NCAM1: variants seen among roughly 807,000 people sequenced by gnomAD.
The protein encoded by NCAM1 is neural cell adhesion molecule 1, also known as antigen recognized by monoclonal antibody 5.1H11.
Under a neutral mutation model 109.8 loss-of-function variants are expected in NCAM1, and 14 were observed. The ratio of observed to expected loss-of-function variants is 0.13; its 90% CI spans 0.08 to 0.20. The LOEUF (loss-of-function observed/expected upper bound fraction) is 0.20, where lower values mean the gene tolerates loss of function less well. NCAM1 is among the 10% of genes least tolerant of loss of function. NCAM1 has a pLI of 1.00. For synonymous variants in NCAM1, 418 were observed against 442.9 expected, an observed-to-expected ratio of 0.94 and a Z score of 0.70; for missense variants, 774 against 1,109.9, an observed-to-expected ratio of 0.70 and a Z score of 4.30.
chr11:112,975,285 T>C (rs1393105501), intron 1 of NCAM1, among the ~76,000 whole-genome samples: 2 of 152,088 alleles, frequency 1.3e-5, no homozygotes, highest in African/African-American at 4.8e-5. Flanking sequence ...CAAGTGGCCA[T>C]GTCTCAGACT....
chr11:113,173,354 C>G (rs1208044682), intron 1 of NCAM1, among the ~76,000 whole-genome samples: 2 of 151,796 alleles, frequency 1.3e-5, no homozygotes, highest in South Asian at 4.2e-4. Context: ...AACCTGGGGT[C>G]TAATTTGAAT....
rs1392706957 is a variant in NCAM1 at position 113,275,340 on chromosome 11, G to C, written c.2530G>C (p.Val844Leu). The change falls in exon 20 of 20, where the codon GTC becomes CTC. Residue 844 changes from valine (V) to leucine (L), a missense_variant. By Grantham distance (32) the Val-to-Leu change is conservative (BLOSUM62 1). This residue lies in a region of NCAM1 where 122 missense variants were observed against 129.7 expected (regional missense o/e 0.94). Coordinates refer to ENST00000316851, the MANE Select transcript of NCAM1 (RefSeq NM_181351.5). ...GCCAGCGCCAGCCGAAGTCAAGACG[G>C]TCCCCAATGACGCCACACAGACAAA... ...TKPAPAEVKTVPNDATQTKEN... is the reference protein window; with the variant it reads ...TKPAPAEVKTLPNDATQTKEN... The C allele has an allele frequency of 1.2e-6, 2 of 1,613,366 alleles. No homozygotes were observed. Among genetic ancestry groups the C allele is most frequent in the Non-Finnish European group, 1.7e-6 (2 of 1,179,722 alleles).
chr11:113,235,139 C>T lies in NCAM1; in HGVS notation c.1800C>T (p.Ala600=). ...NGKGLGEISA[A]SEFKTQPVQG... ...AAGGGCTGGGTGAGATCAGCGCGGCCTCCGAGTTCAAGACGCAGCCAGTCC... is the reference window on the plus strand; with the variant it reads ...AAGGGCTGGGTGAGATCAGCGCGGCTTCCGAGTTCAAGACGCAGCCAGTCC... The change falls in exon 14 of 20, where the codon GCC becomes GCT. Residue 600 remains alanine (A), a synonymous_variant. Transcript: ENST00000316851. The T allele has an allele frequency of 6.2e-7, 1 of 1,613,668 alleles. No individual in the cohort carries two copies.
At chr11:113,086,170 A>C (rs1423457044) in intron 1 of NCAM1, among the ~76,000 whole-genome samples, 1 of 152,184 alleles carries the variant, frequency 6.6e-6, no homozygotes, top group Non-Finnish European at 1.5e-5. Flanking sequence ...CAAGGGGCTG[A>C]GCCTTGGAAG....
At chr11:113,063,179 CA>C (rs1937760661) in intron 1 of NCAM1, among the ~76,000 whole-genome samples, 3 of 152,146 alleles carry the variant, frequency 2.0e-5, no homozygotes, top group Admixed American at 2.0e-4. Context: ...AGATTTTAAG[CA>C]GAGGAGGATT....
chr11:113,271,873 C>G lies in NCAM1; in HGVS notation c.2453C>G (p.Pro818Arg), dbSNP rs1473989817. The change falls in exon 19 of 20, where the codon CCC (proline) becomes CGC (arginine). Residue 818 changes from proline to arginine, a missense_variant. This residue lies in a region of NCAM1 where 122 missense variants were observed against 129.7 expected (regional missense o/e 0.94). Coordinates refer to ENST00000316851, the MANE Select transcript of NCAM1 (RefSeq NM_181351.5). ...EPNETTPLTE[P>R]EKGPVEAKPE... is the part of the protein sequence containing the mutation. ...AACGAGACCACGCCACTGACGGAGC[C>G]CGAGTACGTGGGCTGGGAGGGGCTG... The G allele has an allele frequency of 6.4e-7, 1 of 1,561,514 alleles. No individual in the cohort carries two copies. The highest frequency in any genetic ancestry group is 1.4e-5 in the African/African-American group (1 of 73,402).
chr11:113,185,971 GC>G lies in NCAM1; in HGVS notation c.53-16403del, dbSNP rs1943497125. ...ATAACCTGCCCCTGGTCCAGAGCCTGCCCCCGCTGCATTTGGGGACCATTAG... is the reference window on the plus strand; with the variant it reads ...ATAACCTGCCCCTGGTCCAGAGCCTGCCCCGCTGCATTTGGGGACCATTAG... On this transcript the variant is annotated intron_variant, in intron 1 of 19. Coordinates refer to ENST00000316851, the MANE Select transcript of NCAM1 (RefSeq NM_181351.5). Among the ~76,000 whole-genome samples, 3 of 152,312 alleles carry G rather than the reference GC, an allele frequency of 2.0e-5. No individual in the cohort carries two copies. In the South Asian group the frequency reaches 6.2e-4, roughly 32 times the overall value.
intron 1 of NCAM1, among the ~76,000 whole-genome samples, chr11:112,978,562 A>G (rs1427062641): frequency 6.6e-6 from 1 of 151,820 alleles, no homozygotes; most frequent in Admixed American, 6.6e-5. Context: ...TTTCTCTTCT[A>G]TGGTAAAACA....
intron 1 of NCAM1, among the ~76,000 whole-genome samples, chr11:113,141,538 A>G (rs1941820074): frequency 6.6e-6 from 1 of 152,222 alleles, no homozygotes; most frequent in African/African-American, 2.4e-5. Context: ...AGTCCCAGCT[A>G]CTTGGGAGGC....
At position 113,235,045 on chromosome 11, in the gene NCAM1, G is replaced by A; in HGVS notation, c.1706G>A (p.Gly569Asp). 1 of 1,559,484 alleles carries A rather than the reference G, an allele frequency of 6.4e-7. No homozygotes were observed. The highest frequency in any genetic ancestry group is 8.7e-7 in the Non-Finnish European group (1 of 1,151,416). Residue 569 changes from glycine (G) to aspartate (D), a missense_variant, in exon 14 of 20, where the codon GGC becomes GAC. Gly to Asp is a moderately conservative substitution (Grantham distance 94). Around this residue, in one of 4 missense-constraint regions of NCAM1, gnomAD observed 523 missense variants for 784.2 expected, o/e 0.67. Transcript: ENST00000316851. ...CATATTATAACAGCCAGCATGGAGG[G>A]CATCGTCACCATCGTGGGCCTGAAG... ...WYDAKEASME[G>D]IVTIVGLKPE...
chr11:113,041,428 A>G (rs1259496709), intron 1 of NCAM1, among the ~76,000 whole-genome samples: 1 of 152,028 alleles, frequency 6.6e-6, no homozygotes, highest in Non-Finnish European at 1.5e-5. Context: ...CCATTAGGTT[A>G]TGTAATGGGG....
At chr11:113,180,627 A>G (rs377609225) in intron 1 of NCAM1, among the ~76,000 whole-genome samples, 77 of 152,258 alleles carry the variant, frequency 5.1e-4, no homozygotes, top group African/African-American at 1.8e-3. Context: ...TTTTTCTTCC[A>G]CTCTACTCTG....
chr11:113,145,918 G>A (rs960713498), intron 1 of NCAM1, among the ~76,000 whole-genome samples: 1 of 152,212 alleles, frequency 6.6e-6, no homozygotes, highest in Admixed American at 6.5e-5. Flanking sequence ...CATAGAAATT[G>A]ACTCTGGTGA....
At chr11:113,050,684 G>A (rs1310884650) in intron 1 of NCAM1, among the ~76,000 whole-genome samples, 9 of 151,944 alleles carry the variant, frequency 5.9e-5, no homozygotes, top group Non-Finnish European at 1.2e-4. Context: ...AATGTAGTTC[G>A]ATATTCACTT....
intron 1 of NCAM1, among the ~76,000 whole-genome samples, chr11:113,124,299 T>A (rs782115241): frequency 5.3e-5 from 8 of 152,188 alleles, no homozygotes; most frequent in Non-Finnish European, 1.0e-4. Context: ...GAGGTGTCTT[T>A]TCTCAATCAT....
chr11:113,212,671 T>C (rs1555113790), intron 7 of NCAM1, among the ~76,000 whole-genome samples: 2 of 152,204 alleles, frequency 1.3e-5, no homozygotes, highest in African/African-American at 4.8e-5. Flanking sequence ...TTCTGTGACT[T>C]TTACAATATA....
At chr11:113,031,241 A>G (rs1194281866) in intron 1 of NCAM1, among the ~76,000 whole-genome samples, 1 of 152,230 alleles carries the variant, frequency 6.6e-6, no homozygotes, top group African/African-American at 2.4e-5. Flanking sequence ...CTGTGACTGT[A>G]TGAAGCTTAG....
At chr11:113,267,860 CAGG>C (rs1316523853) in intron 17 of NCAM1, among the ~76,000 whole-genome samples, 5 of 152,180 alleles carry the variant, frequency 3.3e-5, no homozygotes, top group African/African-American at 1.2e-4. Flanking sequence ...AGCAGCTTTG[CAGG>C]AGTTTATTTT....
intron 1 of NCAM1, among the ~76,000 whole-genome samples, chr11:113,013,987 A>T (rs1952143085): frequency 6.6e-6 from 1 of 152,204 alleles, no homozygotes; most frequent in Non-Finnish European, 1.5e-5. Context: ...GAGACAAGTT[A>T]AAAGGTCTAG....
Sources: gnomAD v4.1 joint callset for allele counts (sites outside exome capture counted in the v4.1 genomes callset) on GRCh38, gnomAD v4.1.1 for gene constraint, gnomAD v4.1.1 regional missense constraint, MANE v1.5 for transcripts, NCBI Gene and HGNC (gene_info 2026-07-23, HGNC 2026-07-21) for gene names.